Variants in SERPINB2 observed in about 807,000 individuals in gnomAD.
SERPINB2 encodes serpin family B member 2, also known as plasminogen activator inhibitor 2.
SERPINB2 carries 28 observed loss-of-function variants against 39.4 expected under a neutral mutation model. The ratio of observed to expected loss-of-function variants is 0.71; its 90% CI spans 0.53 to 0.97. The LOEUF (loss-of-function observed/expected upper bound fraction) is 0.97. Among genes scored for constraint, SERPINB2 ranks in the 50% least tolerant of loss-of-function variants. SERPINB2 has a pLI of 0.00. For synonymous variants in SERPINB2, 209 were observed against 175.1 expected (o/e 1.19, Z -1.53); for missense variants, 557 against 505.3 (o/e 1.10, Z -0.98).
intron 7 of SERPINB2, 131 bp downstream of exon 7, chr18:63,902,699 C>G: frequency 9.6e-7 from 1 of 1,045,864 alleles, no homozygotes; most frequent in Non-Finnish European, 1.4e-6. Context: ...GTAAATATGG[C>G]ATGCCTCTAC....
At chr18:63,894,181 C>T (rs1428223593) in intron 2 of SERPINB2, among the ~76,000 whole-genome samples, 4 of 152,022 alleles carry the variant, frequency 2.6e-5, no homozygotes, top group Admixed American at 6.6e-5. Flanking sequence ...TAGTGCTAGC[C>T]CAAAGAACCC....
chr18:63,901,751 A>G lies in SERPINB2; in HGVS notation c.547A>G (p.Asn183Asp). The change falls in exon 6 of 8, where the codon AAC becomes GAC. Residue 183 changes from asparagine (N) to aspartate (D), a missense_variant. Transcript: ENST00000299502. ...VKTQTKGKIP[N>D]LLPEGSVDGD... ...TATGTTTTCTGTAGGCAAAATCCCA[A>G]ACTTGTTACCTGAAGGTTCTGTAGA... 6.5e-7 allele frequency: 1 copy of G among 1,547,880 alleles called. No homozygotes were observed. Among genetic ancestry groups the G allele is most frequent in the East Asian group, 2.4e-5 (1 of 41,676 alleles).
Position 63,897,185 on chromosome 18 carries a change from A to G in SERPINB2, c.383A>G (p.Lys128Arg), listed in dbSNP as rs2049965089. Residue 128 changes from lysine to arginine, a missense_variant, in exon 4 of 8, where the codon AAG (lysine) becomes AGG (arginine). Coordinates refer to ENST00000299502, the MANE Select transcript of SERPINB2 (RefSeq NM_002575.3). ...AATTATTTACTGGAAAGTGTCAATA[A>G]GCTGTTTGGTGAGAAGTCTGCGAGC... The part of the protein sequence containing the change: ...TGNYLLESVN[K>R]LFGEKSASFR... The G allele has an allele frequency of 2.5e-6, 4 of 1,613,092 alleles. No homozygotes were observed. In the Middle Eastern group the frequency reaches 5.0e-4, roughly 200 times the overall value.
intron 3 of SERPINB2, among the ~76,000 whole-genome samples, chr18:63,896,865 A>T (rs2049962424): frequency 6.6e-6 from 1 of 152,206 alleles, no homozygotes; most frequent in Non-Finnish European, 1.5e-5. Context: ...AATCCAATCC[A>T]TAGACAGAGC....
At position 63,893,434 on chromosome 18, in the gene SERPINB2, C is replaced by CTTT. The variant is rs34100904; in HGVS notation, c.169-1821_169-1819dup. On this transcript the variant is annotated intron_variant, in intron 2 of 7. Coordinates refer to ENST00000299502, the MANE Select transcript of SERPINB2 (RefSeq NM_002575.3). ...GGACTATGCGAGGATTCTATATAGT[C>CTTT]TTTTTTTTTTTGAGACTCTATATAT... Among the ~76,000 whole-genome samples the CTTT allele has an allele frequency of 1.9e-3, 278 of 148,016 alleles. 4 individuals are homozygous for CTTT. Among genetic ancestry groups the CTTT allele is most frequent in the Middle Eastern group, 0.014 (4 of 284 alleles).
chr18:63,889,571 G>A (rs2049912697), intron 1 of SERPINB2, among the ~76,000 whole-genome samples: 1 of 151,950 alleles, frequency 6.6e-6, no homozygotes. Context: ...CATGGGGATC[G>A]AGAAATATTT....
intron 2 of SERPINB2, 52 bp downstream of exon 2, chr18:63,891,664 T>C: frequency 1.3e-6 from 2 of 1,552,806 alleles, no homozygotes; most frequent in East Asian, 2.3e-5. Flanking sequence ...CTGAATGGAA[T>C]TGGAGAACTG....
At chr18:63,888,851 A>G (rs1049613981) in intron 1 of SERPINB2, among the ~76,000 whole-genome samples, 4 of 152,248 alleles carry the variant, frequency 2.6e-5, no homozygotes, top group African/African-American at 9.6e-5. Context: ...ATGTTAAAAA[A>G]TTCACAACAG....
At chr18:63,900,553 C>T (rs2049985285) in intron 5 of SERPINB2, among the ~76,000 whole-genome samples, 1 of 152,170 alleles carries the variant, frequency 6.6e-6, no homozygotes, top group Non-Finnish European at 1.5e-5. Flanking sequence ...GTTTGGGGGT[C>T]ATATTTATAC....
intron 1 of SERPINB2, among the ~76,000 whole-genome samples, chr18:63,888,989 G>C (rs1455277866): frequency 6.6e-6 from 1 of 152,080 alleles, no homozygotes; most frequent in Non-Finnish European, 1.5e-5. Context: ...ACTGCATATG[G>C]GTGCCTTCAT....
Position 63,895,352 on chromosome 18 carries a change from A to G in SERPINB2, c.257A>G (p.Gln86Arg). ...AGCTGTGGGTTCATGCAGCAGATCC[A>G]GAAGGGTAGTTATCCTGATGCGATT... is the stretch of plus-strand genomic sequence containing the variant. ...FTSCGFMQQI[Q>R]KGSYPDAILQ... The change falls in exon 3 of 8, where the codon CAG (glutamine) becomes CGG (arginine). Residue 86 changes from glutamine to arginine, a missense_variant. Transcript: ENST00000299502. 1 of 1,614,160 alleles carries G rather than the reference A, an allele frequency of 6.2e-7. No homozygotes were observed. Among genetic ancestry groups the G allele is most frequent in the Non-Finnish European group, 8.5e-7 (1 of 1,180,002 alleles).
rs868809339 is a variant in SERPINB2 at position 63,903,196 on chromosome 18, G to T, written c.1139G>T (p.Arg380Ile). 5.0e-6 allele frequency: 8 copies of T among 1,613,504 alleles called. No homozygotes were observed. The Middle Eastern group carries it at 8.3e-4, about 167-fold the overall frequency. ...GGCACAGGAGGTGTTATGACAGGGA[G>T]AACTGGACATGGAGGCCCACAGTTT... is the stretch of plus-strand genomic sequence containing the variant. ...AAGTGGVMTG[R>I]TGHGGPQFVA... The change falls in exon 8 of 8, where the codon AGA becomes ATA. Residue 380 changes from arginine to isoleucine, a missense_variant. By Grantham distance (97) the Arg-to-Ile change is moderately conservative. Transcript: ENST00000299502.
intron 2 of SERPINB2, chr18:63,892,589 C>T (rs572718135): frequency 9.8e-5 from 15 of 152,304 alleles, no homozygotes; most frequent in African/African-American, 2.9e-4. Flanking sequence ...AAGATGCCGC[C>T]GGCTGGTTTC....
chr18:63,891,672 C>G, intron 2 of SERPINB2, 60 bp downstream of exon 2: 1 of 1,526,974 alleles, frequency 6.5e-7, no homozygotes, highest in Non-Finnish European at 8.9e-7. Context: ...AATTGGAGAA[C>G]TGCTCTTGTT....
chr18:63,893,512 A>G (rs947747945), intron 2 of SERPINB2, among the ~76,000 whole-genome samples: 4 of 152,070 alleles, frequency 2.6e-5, no homozygotes, highest in Non-Finnish European at 5.9e-5. Flanking sequence ...TCAAATGTTA[A>G]TATGATTGCT....
In SERPINB2 at chr18:63,902,428, A is replaced by G. The variant is rs779192257; in HGVS notation, c.703A>G (p.Met235Val). ...GGCTCAGCGCACACCTGTACAGATG[A>G]TGTACTTGCGTGAAAAGCTAAACAT... ...NSAQRTPVQM[M>V]YLREKLNIGY... Residue 235 changes from methionine to valine, a missense_variant, in exon 7 of 8, where the codon ATG becomes GTG. By Grantham distance (21) the Met-to-Val change is conservative. Coordinates refer to ENST00000299502, the MANE Select transcript of SERPINB2 (RefSeq NM_002575.3). 6.2e-6 allele frequency: 10 copies of G among 1,613,118 alleles called. No homozygotes were observed. Among genetic ancestry groups the G allele is most frequent in the Admixed American group, 3.3e-5 (2 of 59,896 alleles).
At chr18:63,894,664 C>G (rs1185184768) in intron 2 of SERPINB2, among the ~76,000 whole-genome samples, 1 of 152,196 alleles carries the variant, frequency 6.6e-6, no homozygotes, top group Non-Finnish European at 1.5e-5. Flanking sequence ...CCGTGTCAGC[C>G]AAAACTGCCT....
intron 1 of SERPINB2, chr18:63,889,902 G>A (rs1483421127): frequency 1.3e-5 from 2 of 152,100 alleles, no homozygotes; most frequent in African/African-American, 4.8e-5. Flanking sequence ...ACCACCGAGT[G>A]AAGCGATGTG....
At chr18:63,888,830 A>G (rs2049908250) in intron 1 of SERPINB2, among the ~76,000 whole-genome samples, 1 of 152,224 alleles carries the variant, frequency 6.6e-6, no homozygotes, top group Non-Finnish European at 1.5e-5. Context: ...GAGATCATAT[A>G]AATTACTATA....
Sources: allele counts gnomAD v4.1 joint callset (sites outside exome capture counted in the v4.1 genomes callset), GRCh38; gene constraint gnomAD v4.1.1; transcripts MANE v1.5; gene names NCBI Gene and HGNC (gene_info 2026-07-23, HGNC 2026-07-21).